FAT3: variants seen among roughly 807,000 people sequenced by gnomAD.
The protein encoded by FAT3 is protocadherin Fat 3.
A neutral mutation model predicts 310.2 loss-of-function variants in FAT3; 95 were observed. The ratio of observed to expected loss-of-function variants is 0.31; its 90% confidence interval spans 0.26 to 0.36. The LOEUF (loss-of-function observed/expected upper bound fraction) is 0.36, where lower values mean the gene tolerates loss of function less well. FAT3 is among the 10% of genes least tolerant of loss of function. The probability of loss-of-function intolerance (pLI) is 1.00; values close to 1 mark genes in which losing one functional copy is unlikely to be tolerated. For missense variants in FAT3, 5,408 were observed against 5,715.6 expected, an observed-to-expected ratio of 0.95 and a Z score of 1.74; for synonymous variants, 2,314 against 2,192.9, an observed-to-expected ratio of 1.06 and a Z score of -1.54.
intron 22 of FAT3, among the ~76,000 whole-genome samples, chr11:92,871,360 G>A (rs115549335): frequency 0.014 from 2,152 of 152,184 alleles, 59 homozygotes; most frequent in African/African-American, 0.048. Flanking sequence ...CAACAGCATT[G>A]GCATCACTGG....
intron 3 of FAT3, among the ~76,000 whole-genome samples, chr11:92,562,389 C>T (rs1011951594): frequency 2.6e-5 from 4 of 152,098 alleles, no homozygotes; most frequent in African/African-American, 9.7e-5. Context: ...TAAATACGTA[C>T]GGATTTTATT....
intron 7 of FAT3, among the ~76,000 whole-genome samples, chr11:92,785,368 G>C (rs897614894): frequency 1.7e-4 from 26 of 152,172 alleles, no homozygotes; most frequent in African/African-American, 6.0e-4. Context: ...ACTATTTACT[G>C]TCATGCTGTA....
intron 3 of FAT3, among the ~76,000 whole-genome samples, chr11:92,586,251 G>T (rs1939150241): frequency 6.6e-6 from 1 of 151,940 alleles, no homozygotes; most frequent in Non-Finnish European, 1.5e-5. Context: ...TTATATAAAA[G>T]ACATTTTATA....
intron 1 of FAT3, among the ~76,000 whole-genome samples, chr11:92,232,499 G>A (rs1156548633): frequency 6.6e-6 from 1 of 152,034 alleles, no homozygotes; most frequent in Admixed American, 6.6e-5. Context: ...ACAAGGATTT[G>A]GATTTATTGA....
chr11:92,465,028 G>T (rs766666788), intron 2 of FAT3, among the ~76,000 whole-genome samples: 3 of 152,130 alleles, frequency 2.0e-5, no homozygotes, highest in Non-Finnish European at 4.4e-5. Context: ...ATTGAAACAT[G>T]CTGGAGCAGC....
chr11:92,297,592 C>T (rs926432695), intron 1 of FAT3, among the ~76,000 whole-genome samples: 1 of 152,226 alleles, frequency 6.6e-6, no homozygotes, highest in Middle Eastern at 3.4e-3. Context: ...AGACAAAACT[C>T]ATGACCAAGA....
intron 1 of FAT3, among the ~76,000 whole-genome samples, chr11:92,254,977 A>G (rs935585585): frequency 1.3e-5 from 2 of 152,166 alleles, no homozygotes; most frequent in African/African-American, 4.8e-5. Flanking sequence ...AAGTGCTGGG[A>G]TTACAGGTGT....
chr11:92,329,371 C>G lies in FAT3; in HGVS notation c.-17-22725C>G, dbSNP rs147358029. Among the ~76,000 whole-genome samples, 105 of 152,016 alleles carry G rather than the reference C, an allele frequency of 6.9e-4. 1 individual carries two copies. Among genetic ancestry groups the G allele is most frequent in the African/African-American group, 2.5e-3 (104 of 41,474 alleles). On this transcript the variant is annotated intron_variant, in intron 1 of 27. Transcript: ENST00000525166. ...AGAGCCTGGCATCTCCCCTTTTGCT[C>G]TCTTGCTTCCTCTCCTGCCACGTGA... is the stretch of plus-strand genomic sequence containing the variant.
chr11:92,447,906 C>G (rs999100292), intron 2 of FAT3, among the ~76,000 whole-genome samples: 3 of 151,824 alleles, frequency 2.0e-5, no homozygotes, highest in African/African-American at 7.3e-5. Context: ...AACTTGCAAA[C>G]ACAGTGACAA....
At chr11:92,777,022 G>C (rs1946615286) in intron 7 of FAT3, among the ~76,000 whole-genome samples, 2 of 152,136 alleles carry the variant, frequency 1.3e-5, no homozygotes, top group African/African-American at 4.8e-5. Context: ...TTTACAAAAG[G>C]ACATTTTGGG....
At chr11:92,747,521 C>T (rs1327067683) in intron 4 of FAT3, among the ~76,000 whole-genome samples, 1 of 152,228 alleles carries the variant, frequency 6.6e-6, no homozygotes, top group South Asian at 2.1e-4. Context: ...CCCTTAGAGG[C>T]GTTTTCCCAT....
At chr11:92,770,512 C>T (rs188380889) in intron 6 of FAT3, among the ~76,000 whole-genome samples, 120 of 152,186 alleles carry the variant, frequency 7.9e-4, no homozygotes, top group South Asian at 4.4e-3. Flanking sequence ...TTCTTAAGTT[C>T]GGTGTACATG....
intron 1 of FAT3, among the ~76,000 whole-genome samples, chr11:92,300,796 A>G (rs1294119900): frequency 6.6e-6 from 1 of 152,156 alleles, no homozygotes; most frequent in Non-Finnish European, 1.5e-5. Context: ...AACCTTCAGT[A>G]TATATTTGTC....
chr11:92,711,407 T>C (rs1944517113), intron 4 of FAT3, among the ~76,000 whole-genome samples: 1 of 152,170 alleles, frequency 6.6e-6, no homozygotes, highest in African/African-American at 2.4e-5. Context: ...GAATATTGCA[T>C]GAATATAGCC....
At chr11:92,242,201 C>T (rs529792682) in intron 1 of FAT3, among the ~76,000 whole-genome samples, 6 of 152,022 alleles carry the variant, frequency 3.9e-5, no homozygotes, top group Non-Finnish European at 7.4e-5. Flanking sequence ...ATTAAGGTAT[C>T]GAATCAAACA....
chr11:92,753,125 G>T (rs1474621536), intron 4 of FAT3, among the ~76,000 whole-genome samples: 1 of 152,112 alleles, frequency 6.6e-6, no homozygotes, highest in African/African-American at 2.4e-5. Flanking sequence ...TGAGACTCTT[G>T]GTCAGTAGAA....
At chr11:92,634,568 A>C (rs1941685151) in intron 3 of FAT3, among the ~76,000 whole-genome samples, 2 of 152,182 alleles carry the variant, frequency 1.3e-5, no homozygotes, top group Non-Finnish European at 2.9e-5. Context: ...TCTATTCCAA[A>C]GAGTAGAGCG....
chr11:92,705,570 TG>T (rs1944278961), intron 4 of FAT3, among the ~76,000 whole-genome samples: 1 of 15,186 alleles, frequency 6.6e-5, no homozygotes, highest in Non-Finnish European at 1.3e-4. Flanking sequence ...ATGGTGGTGG[TG>T]GTGGTGATGG....
intron 6 of FAT3, among the ~76,000 whole-genome samples, chr11:92,773,533 A>G (rs534076666): frequency 6.6e-6 from 1 of 152,260 alleles, no homozygotes; most frequent in East Asian, 1.9e-4. Context: ...ACTGTTTAGA[A>G]TTCATAATTT....
Sources: gnomAD v4.1 joint callset for allele counts (sites outside exome capture counted in the v4.1 genomes callset) on GRCh38, gnomAD v4.1.1 for gene constraint, MANE v1.5 for transcripts, NCBI Gene and HGNC (gene_info 2026-07-23, HGNC 2026-07-21) for gene names.